The following CFLAR variants were observed in gnomAD, a reference collection of about 807,000 sequenced individuals.
The protein encoded by CFLAR is CASP8 and FADD like apoptosis regulator, also known as CASP8 and FADD-like apoptosis regulator.
CFLAR carries 14 observed loss-of-function variants against 51.1 expected under a neutral mutation model. The observed-to-expected ratio is 0.27, with a 90% CI of 0.18 to 0.43. The LOEUF (loss-of-function observed/expected upper bound fraction) is 0.43, where lower values mean the gene tolerates loss of function less well. Ranked by LOEUF, CFLAR falls within the 20% of genes least tolerant of loss-of-function variation. The pLI is 1.00. For missense variants in CFLAR, 390 were observed against 566.5 expected (o/e 0.69, Z 3.16); for synonymous variants, 210 against 211.6 (o/e 0.99, Z 0.06).
At chr2:201,145,292 C>T in intron 5 of CFLAR, 86 bp from the exon 6 acceptor site, 1 of 741,372 alleles carries the variant, frequency 1.3e-6, no homozygotes, top group African/African-American at 1.8e-5. Flanking sequence ...GTTAAGAATC[C>T]TATTGAGACA....
intron 3 of CFLAR, among the ~76,000 whole-genome samples, chr2:201,133,788 G>C (rs992412376): frequency 6.6e-6 from 1 of 151,770 alleles, no homozygotes; most frequent in African/African-American, 2.4e-5. Flanking sequence ...AAAAGTAGCC[G>C]GGTGTGGTGG....
rs781326383 is a variant in CFLAR at position 201,160,659 on chromosome 2, A to T, written c.1021A>T (p.Met341Leu). 3.8e-5 allele frequency: 61 copies of T among 1,613,992 alleles called. No individual in the cohort carries two copies. Among genetic ancestry groups the T allele is most frequent in the Non-Finnish European group, 4.6e-5 (54 of 1,180,010 alleles). ...LPLHHIRRMF[M>L]GDSCPYLAGK... Reference sequence around the variant, plus strand: ...CCTGCATCACATCAGGAGGATGTTCATGGGAGATTCATGCCCTTATCTAGC... The same window carrying T: ...CCTGCATCACATCAGGAGGATGTTCTTGGGAGATTCATGCCCTTATCTAGC... The change falls in exon 9 of 10, where the codon ATG becomes TTG. Residue 341 changes from methionine to leucine, a missense_variant. Met to Leu is a conservative substitution (Grantham distance 15). This residue lies in a region of CFLAR where 287 missense variants were observed against 363.6 expected (regional missense o/e 0.79). Transcript: ENST00000309955.
chr2:201,168,098 C>T lies in CFLAR; in HGVS notation c.*4125C>T, dbSNP rs2125980022. On this transcript the variant is annotated 3_prime_UTR_variant, in exon 10 of 10. Transcript: ENST00000309955. ...TCTACTAAAAATACAAAAAATTAGC[C>T]AGGCGTTGTGGCGGTCGCCTGTAGT... 6.6e-6 allele frequency: 1 copy of T among 152,230 alleles called. No homozygotes were observed. Among genetic ancestry groups the T allele is most frequent in the East Asian group, 1.9e-4 (1 of 5,178 alleles). 9.4% of individuals were successfully genotyped at this position (152,230 alleles called of 1,614,324 possible). A position where few individuals can be genotyped will look rare whatever the true frequency, so the allele number is the denominator to read the frequency against.
rs1467549623 is a variant in CFLAR at position 201,166,443 on chromosome 2, C to T, written c.*2470C>T. 7 of 161,204 alleles carry T rather than the reference C, an allele frequency of 4.3e-5. No homozygotes were observed. Among genetic ancestry groups the T allele is most frequent in the Admixed American group, 2.6e-4 (4 of 15,254 alleles). 10.0% of individuals were successfully genotyped at this position (161,204 alleles called of 1,614,324 possible). A position where few individuals can be genotyped will look rare whatever the true frequency, so the allele number is the denominator to read the frequency against. On this transcript the variant is annotated 3_prime_UTR_variant, in exon 10 of 10. Transcript: ENST00000309955. ...GCGGAGGGGCTCCTCACTTCTCAGA[C>T]GGGGTGGCCGGGCAGAGAAGCTCCT...
chr2:201,149,857 T>G, intron 8 of CFLAR, 22 bp downstream of exon 8: 1 of 1,573,510 alleles, frequency 6.4e-7, no homozygotes, highest in Non-Finnish European at 8.7e-7. Context: ...AGCTGCAGAT[T>G]AACTGGTGCC....
chr2:201,130,187 G>GGGGC, intron 2 of CFLAR, 41 bp downstream of exon 2: 4 of 292,390 alleles, frequency 1.4e-5, no homozygotes, highest in Non-Finnish European at 2.9e-5. Flanking sequence ...GGGTGGGAGG[G>GGGGC]AGTGAAGTGT....
At chr2:201,149,701 A>T in intron 7 of CFLAR, 53 bp from the exon 8 acceptor site, 1 of 1,410,726 alleles carries the variant, frequency 7.1e-7, no homozygotes, top group Non-Finnish European at 1.0e-6. Context: ...GTGGGACCTT[A>T]TAGAAACAGA....
chr2:201,167,764 G>A lies in CFLAR; in HGVS notation c.*3791G>A, dbSNP rs565816260. ...TGAACCATGAAGATACGGGCCACAC[G>A]TAGGGGTAGCTGGGTAGTGAGCAGC... On this transcript the variant is annotated 3_prime_UTR_variant, in exon 10 of 10. Coordinates refer to ENST00000309955, the MANE Select transcript of CFLAR (RefSeq NM_003879.7). The A allele has an allele frequency of 3.3e-5, 5 of 152,368 alleles. No individual in the cohort carries two copies. The highest frequency in any genetic ancestry group is 4.8e-5 in the African/African-American group (2 of 41,562). The allele number at this position is 152,368 out of a possible 1,614,324, so 9.4% of individuals were successfully genotyped here. A position where few individuals can be genotyped will look rare whatever the true frequency, so the allele number is the denominator to read the frequency against.
intron 8 of CFLAR, among the ~76,000 whole-genome samples, chr2:201,152,340 T>A (rs763749679): frequency 3.3e-5 from 5 of 152,086 alleles, no homozygotes; most frequent in Non-Finnish European, 7.4e-5. Flanking sequence ...TTTCCTGTAG[T>A]GCTGAGTTCT....
intron 1 of CFLAR, chr2:201,119,322 A>G (rs1315062262): frequency 6.6e-6 from 1 of 152,206 alleles, no homozygotes; most frequent in Non-Finnish European, 1.5e-5. Context: ...AATGTGGTTG[A>G]GGAAGACTCA....
chr2:201,148,862 C>T (rs557649603), intron 6 of CFLAR, 141 bp from the exon 7 acceptor site: 16 of 613,904 alleles, frequency 2.6e-5, no homozygotes, highest in Admixed American at 1.3e-4. Context: ...AACCTTGGGG[C>T]CAAGTATAGC....
chr2:201,150,672 A>G (rs1388923848), intron 8 of CFLAR, among the ~76,000 whole-genome samples: 1 of 152,122 alleles, frequency 6.6e-6, no homozygotes, highest in Admixed American at 6.5e-5. Flanking sequence ...TCTGGCTAGC[A>G]GATAAGGGAA....
At chr2:201,163,260 T>C (rs1215463891) in intron 9 of CFLAR, 2 of 1,293,924 alleles carry the variant, frequency 1.5e-6, no homozygotes, top group East Asian at 3.1e-5. Context: ...AAGAATACTT[T>C]TCTAAGAGAA....
chr2:201,126,066 G>T (rs780169817), intron 1 of CFLAR, among the ~76,000 whole-genome samples: 1 of 152,078 alleles, frequency 6.6e-6, no homozygotes, highest in South Asian at 2.1e-4. Flanking sequence ...TAGAGAAAAC[G>T]CCACACTTTG....
rs952553550 is a variant in CFLAR at position 201,138,417 on chromosome 2, G to A, written c.524-1940G>A. 4 of 793,706 alleles carry A rather than the reference G, an allele frequency of 5.0e-6. No individual in the cohort carries two copies. The highest frequency in any genetic ancestry group is 2.4e-5 in the East Asian group (1 of 41,216). The allele number at this position is 793,706 out of a possible 1,614,324, so 49.2% of individuals were successfully genotyped here. A position where few individuals can be genotyped will look rare whatever the true frequency, so the allele number is the denominator to read the frequency against. On this transcript the variant is annotated intron_variant, in intron 4 of 9. Coordinates refer to ENST00000309955, the MANE Select transcript of CFLAR (RefSeq NM_003879.7). This position sits in a 1 kb window ranked among gnomAD's most constrained non-coding sequence, Gnocchi z 4.0. Reference sequence around the variant, plus strand: ...GTGATAATGGCCACCAGCTCATCGCGATCATTGACGATAGGCAGCTTCCTT... The same window carrying A: ...GTGATAATGGCCACCAGCTCATCGCAATCATTGACGATAGGCAGCTTCCTT...
At position 201,170,401 on chromosome 2, in the gene CFLAR, T is replaced by C. The variant is rs1002884332; in HGVS notation, c.*6428T>C. On this transcript the variant is annotated 3_prime_UTR_variant, in exon 10 of 10. Coordinates refer to ENST00000309955, the MANE Select transcript of CFLAR (RefSeq NM_003879.7). ...TGGCCATGTTTCTATTTTAAATTCA[T>C]AAAGAATTCTAACAAGAGGAATTCC... is the stretch of plus-strand genomic sequence containing the variant. The C allele has an allele frequency of 7.8e-6, 1 of 128,462 alleles. No homozygotes were observed. Among genetic ancestry groups the C allele is most frequent in the African/African-American group, 2.6e-5 (1 of 38,248 alleles). The allele number at this position is 128,462 out of a possible 1,614,324, so 8.0% of individuals were successfully genotyped here. A position where few individuals can be genotyped will look rare whatever the true frequency, so the allele number is the denominator to read the frequency against.
chr2:201,156,846 T>A (rs548020356), intron 8 of CFLAR, among the ~76,000 whole-genome samples: 2 of 152,094 alleles, frequency 1.3e-5, no homozygotes, highest in Non-Finnish European at 2.9e-5. Flanking sequence ...CTGTAGTTTG[T>A]TGAAATTTTA....
At chr2:201,125,587 G>C (rs570741995) in intron 1 of CFLAR, among the ~76,000 whole-genome samples, 1 of 152,058 alleles carries the variant, frequency 6.6e-6, no homozygotes, top group African/African-American at 2.4e-5. Flanking sequence ...CAGTGGAAAG[G>C]TGGAAGGTGG....
chr2:201,159,910 G>A (rs146806111), intron 8 of CFLAR, among the ~76,000 whole-genome samples: 1,573 of 152,276 alleles, frequency 0.01, 16 homozygotes, highest in South Asian at 0.013. Flanking sequence ...TCATCTGAAT[G>A]CTTGATTGGG....
Sources: allele counts gnomAD v4.1 joint callset (sites outside exome capture counted in the v4.1 genomes callset), GRCh38; gene constraint gnomAD v4.1.1; regional missense constraint gnomAD v4.1.1; non-coding constraint Gnocchi (gnomAD v3.1); transcripts MANE v1.5; gene names NCBI Gene and HGNC (gene_info 2026-07-23, HGNC 2026-07-21).